GBF1: variants seen among roughly 807,000 people sequenced by gnomAD.
GBF1 encodes Golgi-specific brefeldin A-resistance guanine nucleotide exchange factor 1.
A neutral mutation model predicts 210.5 loss-of-function variants in GBF1; 114 were observed. That is an observed-to-expected ratio of 0.54 (90% confidence interval 0.47 to 0.63). The LOEUF (loss-of-function observed/expected upper bound fraction) is 0.63, where lower values mean the gene tolerates loss of function less well. GBF1 is among the 30% of genes least tolerant of loss of function. The pLI, the probability that GBF1 is intolerant of heterozygous loss-of-function variation, is 0.00. For missense variants in GBF1, 1,851 were observed against 2,357.7 expected (o/e 0.79, Z 4.45); for synonymous variants, 850 against 889.2 (o/e 0.96, Z 0.78).
At chr10:102,332,221 T>G (rs1221061959) in intron 3 of GBF1, among the ~76,000 whole-genome samples, 1 of 152,106 alleles carries the variant, frequency 6.6e-6, no homozygotes, top group Non-Finnish European at 1.5e-5. Flanking sequence ...ATAAATACTA[T>G]GTAAATAGTT....
chr10:102,238,730 C>T, the GBF1 span, among the ~76,000 whole-genome samples: 3 of 152,296 alleles, frequency 2.0e-5, no homozygotes, highest in Admixed American at 2.0e-4. Context: ...GTGCCTATCC[C>T]CATTACACCT....
chr10:102,250,753 T>TA (rs1263402694), intron 1 of GBF1, among the ~76,000 whole-genome samples: 1 of 152,054 alleles, frequency 6.6e-6, no homozygotes, highest in Non-Finnish European at 1.5e-5. Context: ...GGTCAGGAGT[T>TA]AAAGGCCAGC....
Position 102,369,696 on chromosome 10 carries a change from G to C in GBF1, c.3151-15G>C. On this transcript the variant is annotated splice_polypyrimidine_tract_variant and intron_variant, in intron 24 of 39. Transcript: ENST00000369983. The stretch of plus-strand genomic sequence containing the variant: ...AGGACACATGGAAAGAAATTATTTT[G>C]ACTTACTTTTCCAGGTAGAAGATTT... The C allele has an allele frequency of 6.2e-7, 1 of 1,611,694 alleles. No individual in the cohort carries two copies. The highest frequency in any genetic ancestry group is 8.5e-7 in the Non-Finnish European group (1 of 1,177,786).
At chr10:102,234,110 T>G in the GBF1 span, among the ~76,000 whole-genome samples, 2 of 152,338 alleles carry the variant, frequency 1.3e-5, no homozygotes, top group Admixed American at 1.3e-4. Context: ...CAGGATGGCA[T>G]TAATGTGGTG....
intron 3 of GBF1, among the ~76,000 whole-genome samples, chr10:102,337,160 C>A (rs1475240781): frequency 6.6e-6 from 1 of 151,742 alleles, no homozygotes; most frequent in African/African-American, 2.4e-5. Context: ...GGGCGGATCA[C>A]GAGGTCAGGA....
intron 3 of GBF1, among the ~76,000 whole-genome samples, chr10:102,288,643 G>A (rs1470014902): frequency 4.0e-5 from 6 of 151,018 alleles, no homozygotes; most frequent in African/African-American, 7.3e-5. Context: ...CCCGGGAAGC[G>A]GAGCTTGCAG....
rs543152703 is a variant in GBF1, at chr10:102,294,571, T to C, written c.163+34455T>C. ...TAATTTTTTGTATTTTTAGTAGAGA[T>C]GGGGTTTCACCGTGTTAGCCAGGAT... On this transcript the variant is annotated intron_variant, in intron 3 of 39. Coordinates refer to ENST00000369983, the MANE Select transcript of GBF1 (RefSeq NM_001377137.1). Among the ~76,000 whole-genome samples the C allele has an allele frequency of 2.0e-5, 3 of 151,704 alleles. No individual in the cohort carries two copies. In the South Asian group the frequency reaches 6.3e-4, roughly 32 times the overall value.
chr10:102,290,868 A>G (rs1028691585), intron 3 of GBF1, among the ~76,000 whole-genome samples: 3 of 152,222 alleles, frequency 2.0e-5, no homozygotes, highest in South Asian at 2.1e-4. Flanking sequence ...TTTTGTAGCT[A>G]TGCTGCATCC....
intron 18 of GBF1, among the ~76,000 whole-genome samples, chr10:102,365,986 G>C (rs2059893332): frequency 6.6e-6 from 1 of 151,936 alleles, no homozygotes; most frequent in East Asian, 1.9e-4. Flanking sequence ...TTAGTGATCA[G>C]TTTAAAGGGA....
At position 102,307,763 on chromosome 10, in the gene GBF1, C is replaced by G. The variant is rs562649111; in HGVS notation, c.164-36288C>G. 3.9e-5 allele frequency among the ~76,000 whole-genome samples: 6 copies of G among 152,098 alleles called. 1 individual carries two copies. In the South Asian group the frequency reaches 1.2e-3, roughly 32 times the overall value. On this transcript the variant is annotated intron_variant, in intron 3 of 39. Coordinates refer to ENST00000369983, the MANE Select transcript of GBF1 (RefSeq NM_001377137.1). ...CGAGATCGCGCCATTGCACTCCAGCCTGACTGAGTGACAGAGCAAGACGCC... is the reference window on the plus strand; with the variant it reads ...CGAGATCGCGCCATTGCACTCCAGCGTGACTGAGTGACAGAGCAAGACGCC...
At chr10:102,271,670 T>C (rs1204308025) in intron 3 of GBF1, among the ~76,000 whole-genome samples, 1 of 152,146 alleles carries the variant, frequency 6.6e-6, no homozygotes, top group Non-Finnish European at 1.5e-5. Flanking sequence ...AAAAGCTTGA[T>C]TAGATTCAGG....
chr10:102,271,147 C>G (rs1021303980), intron 3 of GBF1, among the ~76,000 whole-genome samples: 4 of 152,028 alleles, frequency 2.6e-5, no homozygotes, highest in African/African-American at 9.7e-5. Context: ...ATGCCATTCT[C>G]CTGCCTCAGC....
At position 102,379,859 on chromosome 10, in the gene GBF1, T is replaced by C; in HGVS notation, c.4783T>C (p.Phe1595Leu). Residue 1595 changes from phenylalanine (F) to leucine (L), a missense_variant, in exon 36 of 40, where the codon TTT (phenylalanine) becomes CTT (leucine). Phe to Leu is a conservative substitution (Grantham distance 22). Around this residue, in one of 3 missense-constraint regions of GBF1, gnomAD observed 967 missense variants for 1,247.7 expected, o/e 0.78. Transcript: ENST00000369983. ...EWESCFNKVL[F>L]PLLTKLLENI... ...GCACATTTACCCCCACCAGGTGCTG[T>C]TTCCTCTACTTACCAAGCTCTTGGA... is the stretch of plus-strand genomic sequence containing the variant. The C allele has an allele frequency of 6.2e-7, 1 of 1,612,194 alleles. No individual in the cohort carries two copies.
intron 3 of GBF1, among the ~76,000 whole-genome samples, chr10:102,275,238 C>G (rs963798026): frequency 6.6e-6 from 1 of 152,150 alleles, no homozygotes; most frequent in Non-Finnish European, 1.5e-5. Flanking sequence ...CTAATAGTCC[C>G]AGTTCACAAA....
intron 3 of GBF1, among the ~76,000 whole-genome samples, chr10:102,280,243 G>A (rs961512761): frequency 6.6e-6 from 1 of 152,158 alleles, no homozygotes; most frequent in Non-Finnish European, 1.5e-5. Context: ...GCAAGGGTAG[G>A]AGAGAAGGAC....
intron 3 of GBF1, among the ~76,000 whole-genome samples, chr10:102,304,505 G>A (rs561889580): frequency 2.6e-5 from 4 of 152,254 alleles, no homozygotes; most frequent in Non-Finnish European, 5.9e-5. Flanking sequence ...CGGGCATGGT[G>A]GCTCATGCCT....
At chr10:102,234,429 CA>C in the GBF1 span, among the ~76,000 whole-genome samples, 1 of 152,128 alleles carries the variant, frequency 6.6e-6, no homozygotes, top group Admixed American at 6.5e-5. Flanking sequence ...GGAGAAAAGT[CA>C]GGCCAGAACT....
upstream of GBF1, among the ~76,000 whole-genome samples, chr10:102,243,331 T>C (rs978341712): frequency 4.6e-5 from 7 of 152,122 alleles, no homozygotes; most frequent in Non-Finnish European, 1.0e-4. Context: ...GATAATAAAA[T>C]TTAGGAGGGT....
Position 102,376,810 on chromosome 10 carries a change from CTGA to C in GBF1, c.4288+14_4288+16del, listed in dbSNP as rs2060523132. 6.2e-7 allele frequency: 1 copy of C among 1,608,858 alleles called. No individual in the cohort carries two copies. The highest frequency in any genetic ancestry group is 1.3e-5 in the African/African-American group (1 of 74,996). Reference sequence around the variant, plus strand: ...GCCAGTCTGAATGGCGGTGGGTCAGCTGATGAGGGGGCAGCTGGGGAGTAGCCA... The same window carrying C: ...GCCAGTCTGAATGGCGGTGGGTCAGCTGAGGGGGCAGCTGGGGAGTAGCCA... On this transcript the variant is annotated intron_variant, in intron 32 of 39. Transcript: ENST00000369983.
Sources: gnomAD v4.1 joint callset for allele counts (sites outside exome capture counted in the v4.1 genomes callset) on GRCh38, gnomAD v4.1.1 for gene constraint, gnomAD v4.1.1 regional missense constraint, MANE v1.5 for transcripts, NCBI Gene and HGNC (gene_info 2026-07-23, HGNC 2026-07-21) for gene names.